GRB10: variants seen among roughly 807,000 people sequenced by gnomAD.
GRB10 encodes the protein growth factor receptor bound protein 10.
In GRB10, 20 loss-of-function variants were observed where a neutral mutation model predicts 80.9. The observed-to-expected ratio is 0.25, with a 90% CI of 0.17 to 0.36. GRB10 has a LOEUF of 0.36. Ranked by LOEUF, GRB10 falls within the 10% of genes least tolerant of loss-of-function variation. The pLI, the probability that GRB10 is intolerant of heterozygous loss-of-function variation, is 1.00. For missense variants in GRB10, 548 were observed against 747.7 expected, an observed-to-expected ratio of 0.73 and a Z score of 3.12; for synonymous variants, 291 against 291.5, an observed-to-expected ratio of 1.00 and a Z score of 0.02.
At chr7:50,602,760 G>C (rs764124778) in intron 17 of GRB10, among the ~76,000 whole-genome samples, 4 of 152,176 alleles carry the variant, frequency 2.6e-5, no homozygotes, top group Admixed American at 6.5e-5. Context: ...TTAGATGATA[G>C]TAAGAAATTC....
At position 50,674,420 on chromosome 7, in the gene GRB10, T is replaced by G; in HGVS notation, c.362+16A>C. ...TCATCCTTGGAGAAGGCTCTGCCCATAAGGCCTGGACCTACCTGACAGCGA... is the reference window on the plus strand; with the variant it reads ...TCATCCTTGGAGAAGGCTCTGCCCAGAAGGCCTGGACCTACCTGACAGCGA... On this transcript the variant is annotated intron_variant, in intron 6 of 18. Transcript: ENST00000401949. 2 of 1,600,718 alleles carry G rather than the reference T, an allele frequency of 1.2e-6. No homozygotes were observed. Among genetic ancestry groups the G allele is most frequent in the Non-Finnish European group, 1.7e-6 (2 of 1,178,870 alleles).
chr7:50,698,965 A>T (rs1215749571), intron 5 of GRB10, among the ~76,000 whole-genome samples: 2 of 152,238 alleles, frequency 1.3e-5, no homozygotes, highest in East Asian at 3.8e-4. Context: ...GGTTGTTTTC[A>T]TGCTCTGAAA....
chr7:50,727,936 C>T (rs2068917572), intron 4 of GRB10: 1 of 152,176 alleles, frequency 6.6e-6, no homozygotes, highest in Non-Finnish European at 1.5e-5. Context: ...ATGCCTAAAG[C>T]CATGCAGGTG....
chr7:50,742,004 T>G (rs922892829), intron 3 of GRB10, among the ~76,000 whole-genome samples: 3 of 151,760 alleles, frequency 2.0e-5, no homozygotes, highest in Non-Finnish European at 2.9e-5. Context: ...GAAATTTTAA[T>G]TTTTACAAAA....
At chr7:50,654,204 T>C (rs1195493475) in intron 7 of GRB10, among the ~76,000 whole-genome samples, 1 of 152,134 alleles carries the variant, frequency 6.6e-6, no homozygotes, top group African/African-American at 2.4e-5. Context: ...TCTCCTGAAG[T>C]GTGGGGAATG....
chr7:50,673,966 T>A (rs967880195), intron 6 of GRB10, among the ~76,000 whole-genome samples: 4 of 152,156 alleles, frequency 2.6e-5, no homozygotes, highest in Admixed American at 2.6e-4. Flanking sequence ...TCCACAGAGA[T>A]GTGCCTACCC....
chr7:50,763,800 A>AG (rs554472419), intron 2 of GRB10, among the ~76,000 whole-genome samples: 213 of 152,268 alleles, frequency 1.4e-3, no homozygotes, highest in African/African-American at 5.0e-3. Flanking sequence ...TGCCAACTCC[A>AG]GGCCTCTGCC....
chr7:50,762,821 GAC>G (rs1216550276), intron 2 of GRB10, among the ~76,000 whole-genome samples: 1 of 152,140 alleles, frequency 6.6e-6, no homozygotes, highest in Admixed American at 6.6e-5. Flanking sequence ...CAAATCAAAA[GAC>G]AGGCAAAAAG....
intron 7 of GRB10, among the ~76,000 whole-genome samples, chr7:50,642,389 G>A (rs1456458715): frequency 2.6e-5 from 4 of 151,914 alleles, no homozygotes; most frequent in South Asian, 4.2e-4. Context: ...CTACATATAT[G>A]TAAACACGTA....
chr7:50,782,618 C>T lies in GRB10; in HGVS notation c.-521G>A, dbSNP rs967723297. 8 of 151,442 alleles carry T rather than the reference C, an allele frequency of 5.3e-5. No homozygotes were observed. The highest frequency in any genetic ancestry group is 1.9e-4 in the African/African-American group (8 of 41,356). 9.4% of individuals were successfully genotyped at this position (151,442 alleles called of 1,614,324 possible). A position where few individuals can be genotyped will look rare whatever the true frequency, so the allele number is the denominator to read the frequency against. On this transcript the variant is annotated 5_prime_UTR_variant, in exon 1 of 19. Coordinates refer to ENST00000401949, the MANE Select transcript of GRB10 (RefSeq NM_001350814.2). The surrounding 1 kb of genome is among the most constrained non-coding windows in gnomAD (Gnocchi z 6.6). ...GGGGCCTGCGGCGCAGAAAACCGAC[C>T]CGGGGCCTCGGGGCCACCGCGCGCC...
At chr7:50,676,791 G>A (rs1351976209) in intron 5 of GRB10, among the ~76,000 whole-genome samples, 1 of 130,000 alleles carries the variant, frequency 7.7e-6, no homozygotes, top group Admixed American at 7.6e-5. Context: ...GTCACCCCCG[G>A]GGGTAGTGCT....
intron 4 of GRB10, among the ~76,000 whole-genome samples, chr7:50,723,402 T>C (rs2068066239): frequency 6.6e-6 from 1 of 152,214 alleles, no homozygotes; most frequent in Non-Finnish European, 1.5e-5. Flanking sequence ...CTGCCAATCA[T>C]TTCCTCATTG....
chr7:50,623,198 T>A (rs1297994409), intron 8 of GRB10, among the ~76,000 whole-genome samples: 1 of 152,124 alleles, frequency 6.6e-6, no homozygotes, highest in Non-Finnish European at 1.5e-5. Flanking sequence ...AGTGTTTTCA[T>A]GGCTAAGAAC....
chr7:50,788,308 G>C (rs1418201691), intron 1 of GRB10, among the ~76,000 whole-genome samples: 2 of 152,174 alleles, frequency 1.3e-5, no homozygotes, highest in African/African-American at 2.4e-5. Flanking sequence ...CATCTCAGTG[G>C]GGCCCAGGTA....
intron 2 of GRB10, among the ~76,000 whole-genome samples, chr7:50,756,651 G>A (rs1284553984): frequency 3.9e-5 from 6 of 152,300 alleles, no homozygotes; most frequent in Non-Finnish European, 5.9e-5. Context: ...AGCTCAAGGC[G>A]CAGAGCCCTC....
At chr7:50,712,034 C>T (rs1378407555) in intron 4 of GRB10, among the ~76,000 whole-genome samples, 5 of 151,910 alleles carry the variant, frequency 3.3e-5, no homozygotes, top group Admixed American at 3.3e-4. Context: ...TGGGTAACTA[C>T]AAAATCTGTC....
At chr7:50,699,757 T>C (rs1001162475) in intron 5 of GRB10, among the ~76,000 whole-genome samples, 4 of 152,210 alleles carry the variant, frequency 2.6e-5, no homozygotes, top group African/African-American at 9.6e-5. Flanking sequence ...TACACAAACA[T>C]GGTATGAATT....
chr7:50,700,989 C>T (rs2064127951), intron 5 of GRB10, among the ~76,000 whole-genome samples: 1 of 152,194 alleles, frequency 6.6e-6, no homozygotes, highest in Non-Finnish European at 1.5e-5. Context: ...CACGAATTGA[C>T]TTGGAATTAC....
chr7:50,616,176 A>G (rs1380022926), intron 11 of GRB10, 34 bp downstream of exon 11: 1 of 1,614,092 alleles, frequency 6.2e-7, no homozygotes, highest in Non-Finnish European at 8.5e-7. Context: ...CTGTGGCAGA[A>G]TTAGGGCTGG....
Sources: gnomAD v4.1 joint callset for allele counts (sites outside exome capture counted in the v4.1 genomes callset) on GRCh38, gnomAD v4.1.1 for gene constraint, Gnocchi (gnomAD v3.1) non-coding constraint, MANE v1.5 for transcripts, NCBI Gene and HGNC (gene_info 2026-07-23, HGNC 2026-07-21) for gene names.